The following ADAMTS15 variants were observed in gnomAD, a reference collection of about 807,000 sequenced individuals.
ADAMTS15 encodes the protein ADAM metallopeptidase with thrombospondin type 1 motif 15, also known as A disintegrin and metalloproteinase with thrombospondin motifs 15.
ADAMTS15 carries 35 observed loss-of-function variants against 79.1 expected under a neutral mutation model. The observed-to-expected ratio is 0.44, with a 90% CI of 0.34 to 0.59. The LOEUF is 0.59. Ranked by LOEUF, ADAMTS15 falls within the 20% of genes least tolerant of loss-of-function variation. The pLI is 0.02. For missense variants in ADAMTS15, 1,324 were observed against 1,318.7 expected (o/e 1.00, Z -0.06); for synonymous variants, 616 against 567.3 (o/e 1.09, Z -1.22).
chr11:130,470,184 G>GTATATATATATA (rs1281455253), intron 5 of ADAMTS15, among the ~76,000 whole-genome samples: 5 of 50,172 alleles, frequency 1.0e-4, no homozygotes, highest in East Asian at 1.0e-3. Context: ...ATATATATGT[G>GTATATATATATA]TGTATATATA....
intron 4 of ADAMTS15, among the ~76,000 whole-genome samples, chr11:130,463,795 C>G (rs575430965): frequency 7.9e-5 from 12 of 152,270 alleles, no homozygotes; most frequent in African/African-American, 2.9e-4. Flanking sequence ...ACAGGCCATG[C>G]CTCAGAGAGC....
chr11:130,474,254 G>A lies in ADAMTS15; in HGVS notation c.*433G>A, dbSNP rs867606208. On this transcript the variant is annotated 3_prime_UTR_variant, in exon 8 of 8. Coordinates refer to ENST00000299164, the MANE Select transcript of ADAMTS15 (RefSeq NM_139055.4). ...TGGGCTCTGAGCCGTGTCTGAACGA[G>A]GCAGGGTTTTCACGGTGCTTTTAGC... 1.2e-5 allele frequency: 2 copies of A among 173,146 alleles called. No individual in the cohort carries two copies. Among genetic ancestry groups the A allele is most frequent in the Non-Finnish European group, 1.2e-5 (1 of 81,690 alleles). The allele number at this position is 173,146 out of a possible 1,614,324, so 10.7% of individuals were successfully genotyped here.
intron 1 of ADAMTS15, among the ~76,000 whole-genome samples, chr11:130,453,356 G>A (rs928393628): frequency 6.0e-5 from 9 of 149,320 alleles, no homozygotes; most frequent in Admixed American, 1.3e-4. Flanking sequence ...TTTTTTTTAG[G>A]ACTTGTATTT....
rs766663454 is a variant in ADAMTS15 at position 130,472,815 on chromosome 11, T to C, written c.2079-232T>C. Among the ~76,000 whole-genome samples the C allele has an allele frequency of 2.3e-4, 35 of 152,200 alleles. No homozygotes were observed. The highest frequency in any genetic ancestry group is 1.2e-3 in the Admixed American group (18 of 15,286). The stretch of plus-strand genomic sequence containing the variant: ...CCTCCCTGCAATTCAGTGAGGTGTG[T>C]GGAATTCTGAGCTCCACTTTACAGG... On this transcript the variant is annotated intron_variant, in intron 7 of 7. Transcript: ENST00000299164. This position sits in a 1 kb window ranked among gnomAD's most constrained non-coding sequence, Gnocchi z 4.7.
At chr11:130,465,793 C>CTCT (rs992697762) in intron 4 of ADAMTS15, among the ~76,000 whole-genome samples, 3 of 152,122 alleles carry the variant, frequency 2.0e-5, no homozygotes, top group African/African-American at 7.2e-5. Flanking sequence ...CCTCCTCCTC[C>CTCT]TCACGCTGCC....
At chr11:130,463,045 G>A (rs1044879707) in intron 4 of ADAMTS15, among the ~76,000 whole-genome samples, 3 of 152,342 alleles carry the variant, frequency 2.0e-5, no homozygotes, top group Middle Eastern at 3.4e-3. Context: ...TCAACAGGAC[G>A]TGGGGTCTCA....
intron 5 of ADAMTS15, among the ~76,000 whole-genome samples, chr11:130,470,712 T>C (rs1243338346): frequency 1.3e-5 from 2 of 152,164 alleles, no homozygotes; most frequent in Non-Finnish European, 1.5e-5. Flanking sequence ...GAGAAGGTTG[T>C]GCATAGCTCA....
At chr11:130,465,552 A>G (rs1034005516) in intron 4 of ADAMTS15, among the ~76,000 whole-genome samples, 2 of 152,200 alleles carry the variant, frequency 1.3e-5, no homozygotes, top group Non-Finnish European at 2.9e-5. Context: ...GGAGTTGTAC[A>G]AGCTTGCTGT....
chr11:130,456,341 G>A (rs1304560814), intron 1 of ADAMTS15, among the ~76,000 whole-genome samples: 1 of 152,008 alleles, frequency 6.6e-6, no homozygotes, highest in East Asian at 1.9e-4. Context: ...CCTCATTGAG[G>A]TAATTATTAT....
At position 130,462,324 on chromosome 11, in the gene ADAMTS15, T is replaced by A. The variant is rs1016742886; in HGVS notation, c.1258+70T>A. 9.1e-5 allele frequency: 140 copies of A among 1,531,896 alleles called. 1 individual carries two copies. The highest frequency in any genetic ancestry group is 1.7e-4 in the Middle Eastern group (1 of 5,808). The allele number at this position is 1,531,896 out of a possible 1,614,324, so 94.9% of individuals were successfully genotyped here. A position where few individuals can be genotyped will look rare whatever the true frequency, so the allele number is the denominator to read the frequency against. ...GCTTTGCTGCTGCCCCTGGTGGAGGTGCTCACTTCTCCGTCCTCTGTACAT... is the reference window on the plus strand; with the variant it reads ...GCTTTGCTGCTGCCCCTGGTGGAGGAGCTCACTTCTCCGTCCTCTGTACAT... On this transcript the variant is annotated intron_variant, in intron 3 of 7. Coordinates refer to ENST00000299164, the MANE Select transcript of ADAMTS15 (RefSeq NM_139055.4). The surrounding 1 kb of genome is among the most constrained non-coding windows in gnomAD (Gnocchi z 4.3).
intron 1 of ADAMTS15, among the ~76,000 whole-genome samples, chr11:130,450,679 G>A (rs1037093138): frequency 2.0e-5 from 3 of 152,204 alleles, no homozygotes; most frequent in African/African-American, 7.2e-5. Context: ...AGTTTTACTT[G>A]GAGCTGAGTT....
chr11:130,453,963 CCTGA>C (rs1938020638), intron 1 of ADAMTS15, among the ~76,000 whole-genome samples: 1 of 152,076 alleles, frequency 6.6e-6, no homozygotes, highest in African/African-American at 2.4e-5. Context: ...TAAAAAAATG[CCTGA>C]CTAATTAAAA....
chr11:130,449,920 T>C lies in ADAMTS15; in HGVS notation c.947T>C (p.Phe316Ser). 1 of 1,598,890 alleles carries C rather than the reference T, an allele frequency of 6.3e-7. No individual in the cohort carries two copies. Among genetic ancestry groups the C allele is most frequent in the South Asian group, 1.1e-5 (1 of 91,068 alleles). Reference protein sequence around the residue: ...HPEYWDTAILFTRQDLCGATT... With the variant: ...HPEYWDTAILSTRQDLCGATT... ...GAGTACTGGGACACTGCCATCCTCTTCACCAGGCAGGTGAGTTGATCTGCC... is the reference window on the plus strand; with the variant it reads ...GAGTACTGGGACACTGCCATCCTCTCCACCAGGCAGGTGAGTTGATCTGCC... Residue 316 changes from phenylalanine to serine, a missense_variant, in exon 1 of 8, where the codon TTC becomes TCC. Phe to Ser is a radical substitution (Grantham distance 155). Coordinates refer to ENST00000299164, the MANE Select transcript of ADAMTS15 (RefSeq NM_139055.4). This position sits in a 1 kb window ranked among gnomAD's most constrained non-coding sequence, Gnocchi z 7.8.
chr11:130,473,395 C>T lies in ADAMTS15; in HGVS notation c.2427C>T (p.Ser809=). Residue 809 remains serine (S), a synonymous_variant, in exon 8 of 8, where the codon TCC becomes TCT. Coordinates refer to ENST00000299164, the MANE Select transcript of ADAMTS15 (RefSeq NM_139055.4). ...CCAAAGAGCCTCGGGAGGACAAGTC[C>T]TCTCATCCCAAGGACCCCCGGGGAC... is the stretch of plus-strand genomic sequence containing the variant. ...YLPKEPREDK[S]SHPKDPRGPS... 1.2e-6 allele frequency: 2 copies of T among 1,612,816 alleles called. No individual in the cohort carries two copies. Among genetic ancestry groups the T allele is most frequent in the Non-Finnish European group, 8.5e-7 (1 of 1,180,004 alleles).
rs1458923367 is a variant in ADAMTS15 at position 130,462,398 on chromosome 11, T to G, written c.1259-99T>G. ...CCGGGCTCTGACATGAGTGCATTCCTGTTGCCCTTGGTTCATTATCCCCTT... is the reference window on the plus strand; with the variant it reads ...CCGGGCTCTGACATGAGTGCATTCCGGTTGCCCTTGGTTCATTATCCCCTT... On this transcript the variant is annotated intron_variant, in intron 3 of 7. Transcript: ENST00000299164. This position sits in a 1 kb window ranked among gnomAD's most constrained non-coding sequence, Gnocchi z 4.3. 6.7e-6 allele frequency: 10 copies of G among 1,502,222 alleles called. No homozygotes were observed. The highest frequency in any genetic ancestry group is 9.0e-6 in the Non-Finnish European group (10 of 1,117,142). The allele number at this position is 1,502,222 out of a possible 1,614,324, so 93.1% of individuals were successfully genotyped here.
At position 130,467,769 on chromosome 11, in the gene ADAMTS15, T is replaced by A. The variant is rs1186068407; in HGVS notation, c.1543-1493T>A. Among the ~76,000 whole-genome samples, 205 of 124,516 alleles carry A rather than the reference T, an allele frequency of 1.6e-3. 2 individuals carry two copies. Among genetic ancestry groups the A allele is most frequent in the African/African-American group, 5.2e-3 (170 of 32,650 alleles). 81.7% of individuals were successfully genotyped at this position (124,516 alleles called of 152,430 possible). Reference sequence around the variant, plus strand: ...CTCTTTCTACCCTGTTTAAAAAAACTAAAAAAAAAACCTAAAAAAAAAAAA... The same window carrying A: ...CTCTTTCTACCCTGTTTAAAAAAACAAAAAAAAAAACCTAAAAAAAAAAAA... On this transcript the variant is annotated intron_variant, in intron 4 of 7. Coordinates refer to ENST00000299164, the MANE Select transcript of ADAMTS15 (RefSeq NM_139055.4).
chr11:130,450,740 G>A lies in ADAMTS15; in HGVS notation c.957+810G>A, dbSNP rs923779811. On this transcript the variant is annotated intron_variant, in intron 1 of 7. Coordinates refer to ENST00000299164, the MANE Select transcript of ADAMTS15 (RefSeq NM_139055.4). ...TATCCTTGCTGTCAGAGGGTGACCC[G>A]TTTGCCCAGATGTATACTACAGAGC... Among the ~76,000 whole-genome samples the A allele has an allele frequency of 3.3e-5, 5 of 152,148 alleles. No homozygotes were observed. In the East Asian group the frequency reaches 5.8e-4, roughly 18 times the overall value.
Position 130,472,959 on chromosome 11 carries a change from TAG to T in ADAMTS15, c.2079-87_2079-86del. 1 of 1,532,828 alleles carries T rather than the reference TAG, an allele frequency of 6.5e-7. No homozygotes were observed. The highest frequency in any genetic ancestry group is 8.8e-7 in the Non-Finnish European group (1 of 1,135,948). The allele number at this position is 1,532,828 out of a possible 1,614,324, so 95.0% of individuals were successfully genotyped here. A position where few individuals can be genotyped will look rare whatever the true frequency, so the allele number is the denominator to read the frequency against. ...TCCCATGCCAGAATTCACCGAAAGCTAGGTTTACTGAGGAAAACAGATCCTGG... is the reference window on the plus strand; with the variant it reads ...TCCCATGCCAGAATTCACCGAAAGCTGTTTACTGAGGAAAACAGATCCTGG... On this transcript the variant is annotated intron_variant, in intron 7 of 7. Transcript: ENST00000299164. The surrounding 1 kb of genome is among the most constrained non-coding windows in gnomAD (Gnocchi z 4.7).
intron 1 of ADAMTS15, 114 bp downstream of exon 1, chr11:130,450,044 T>A: frequency 6.6e-7 from 1 of 1,509,378 alleles, no homozygotes; most frequent in East Asian, 2.3e-5. Context: ...TAAACCTCGT[T>A]GATCTCTTCC....
Sources: gnomAD v4.1 joint callset for allele counts (sites outside exome capture counted in the v4.1 genomes callset) on GRCh38, gnomAD v4.1.1 for gene constraint, Gnocchi (gnomAD v3.1) non-coding constraint, MANE v1.5 for transcripts, NCBI Gene and HGNC (gene_info 2026-07-23, HGNC 2026-07-21) for gene names.